RPTOR: variants seen among roughly 807,000 people sequenced by gnomAD.
RPTOR encodes regulatory-associated protein of mTOR.
A neutral mutation model predicts 169.9 loss-of-function variants in RPTOR; 21 were observed. The observed-to-expected ratio is 0.12, with a 90% CI of 0.09 to 0.18. The LOEUF (loss-of-function observed/expected upper bound fraction) is 0.18. Among genes scored for constraint, RPTOR ranks in the 10% least tolerant of loss-of-function variants. The pLI, the probability that RPTOR is intolerant of heterozygous loss-of-function variation, is 1.00. For missense variants in RPTOR, 1,133 were observed against 1,855.9 expected, an observed-to-expected ratio of 0.61 and a Z score of 7.16; for synonymous variants, 732 against 753.2, an observed-to-expected ratio of 0.97 and a Z score of 0.46.
At chr17:80,619,723 G>C (rs891266821) in intron 1 of RPTOR, among the ~76,000 whole-genome samples, 3 of 152,150 alleles carry the variant, frequency 2.0e-5, no homozygotes, top group Non-Finnish European at 4.4e-5. Context: ...TGAGTGTTGG[G>C]TGCTGCTCCA....
chr17:80,565,467 T>C (rs1309268935), intron 1 of RPTOR, among the ~76,000 whole-genome samples: 7 of 152,086 alleles, frequency 4.6e-5, no homozygotes, highest in Non-Finnish European at 2.9e-5. Flanking sequence ...AGTAAAACAA[T>C]GTTTTCTTTG....
intron 3 of RPTOR, among the ~76,000 whole-genome samples, chr17:80,644,306 G>GATTTTTTTTTTTTTTTTTTTTT (rs773738955): frequency 1.1e-5 from 1 of 88,904 alleles, no homozygotes; most frequent in Non-Finnish European, 2.1e-5. Context: ...TTAGTGTGTG[G>GATTTTTTTTTTTTTTTTTTTTT]GTTTTTTTTT....
At chr17:80,906,986 C>T (rs916128188) in intron 20 of RPTOR, among the ~76,000 whole-genome samples, 4 of 152,212 alleles carry the variant, frequency 2.6e-5, no homozygotes, top group Non-Finnish European at 5.9e-5. Flanking sequence ...GTCTTGGGCT[C>T]GCTTAGCGGA....
intron 7 of RPTOR, among the ~76,000 whole-genome samples, chr17:80,811,584 C>T (rs893468534): frequency 2.0e-5 from 3 of 151,630 alleles, no homozygotes; most frequent in Admixed American, 6.6e-5. Flanking sequence ...CATAGCCACG[C>T]CCTCTCCAAC....
rs1240004882 is a variant in RPTOR, at chr17:80,730,774, G to C, written c.654+68G>C. The C allele has an allele frequency of 5.1e-6, 6 of 1,173,408 alleles. 1 individual carries two copies. The highest frequency in any genetic ancestry group is 7.4e-6 in the Non-Finnish European group (6 of 807,022). The allele number at this position is 1,173,408 out of a possible 1,614,324, so 72.7% of individuals were successfully genotyped here. On this transcript the variant is annotated intron_variant, in intron 5 of 33. Transcript: ENST00000306801. The surrounding 1 kb of genome is among the most constrained non-coding windows in gnomAD (Gnocchi z 4.2). ...TGTTTTCCCTGGGGGTGGGGTTTGGGTGGGGAGGTTGGGAGGTGTTGGACA... is the reference window on the plus strand; with the variant it reads ...TGTTTTCCCTGGGGGTGGGGTTTGGCTGGGGAGGTTGGGAGGTGTTGGACA...
intron 4 of RPTOR, among the ~76,000 whole-genome samples, chr17:80,729,399 G>A (rs1244072461): frequency 6.6e-6 from 1 of 152,202 alleles, no homozygotes; most frequent in Non-Finnish European, 1.5e-5. Context: ...GTGTTCTGTG[G>A]AGAAGAATTC....
rs1183274572 is a variant in RPTOR at position 80,965,964 on chromosome 17, G to A, written c.*1634G>A. 2.6e-5 allele frequency: 6 copies of A among 233,320 alleles called. No homozygotes were observed. The highest frequency in any genetic ancestry group is 5.6e-5 in the Admixed American group (1 of 17,788). 14.5% of individuals were successfully genotyped at this position (233,320 alleles called of 1,614,324 possible). ...ACTCAGCTCACAGGGCGTGCCAGGCGGCAACACCAGAATCTTCCAGAAGCC... is the reference window on the plus strand; with the variant it reads ...ACTCAGCTCACAGGGCGTGCCAGGCAGCAACACCAGAATCTTCCAGAAGCC... On this transcript the variant is annotated 3_prime_UTR_variant, in exon 34 of 34. Transcript: ENST00000306801.
At chr17:80,581,498 A>G (rs11651034) in intron 1 of RPTOR, among the ~76,000 whole-genome samples, 3,529 of 54,680 alleles carry the variant, frequency 0.065, 161 homozygotes, top group Middle Eastern at 0.098. Context: ...ACCGCACATC[A>G]GGCCAGTGCA....
chr17:80,738,328 G>A (rs965912191), intron 5 of RPTOR, among the ~76,000 whole-genome samples: 6 of 152,238 alleles, frequency 3.9e-5, no homozygotes, highest in African/African-American at 1.2e-4. Context: ...GAATGTGGCC[G>A]CCAAAGCTTT....
intron 5 of RPTOR, among the ~76,000 whole-genome samples, chr17:80,748,029 T>A (rs2066593320): frequency 7.3e-6 from 1 of 137,360 alleles, no homozygotes; most frequent in Non-Finnish European, 1.5e-5. Flanking sequence ...CTGCGGTGTG[T>A]GTTTAGAGGC....
chr17:80,731,753 C>G (rs901969216), intron 5 of RPTOR, among the ~76,000 whole-genome samples: 3 of 152,032 alleles, frequency 2.0e-5, no homozygotes, highest in South Asian at 2.1e-4. Flanking sequence ...TTTCCTCAAG[C>G]CTTTTTGAAT....
intron 3 of RPTOR, among the ~76,000 whole-genome samples, chr17:80,686,952 C>T (rs1249379016): frequency 1.3e-5 from 2 of 150,188 alleles, no homozygotes; most frequent in African/African-American, 4.9e-5. Context: ...TCTATCAGTT[C>T]CAGTCAGAGC....
chr17:80,858,203 G>T (rs1259445843), intron 13 of RPTOR: 5 of 405,730 alleles, frequency 1.2e-5, no homozygotes, highest in Non-Finnish European at 4.6e-6. Context: ...CCCTGCCTGT[G>T]TCTGACCCCC....
chr17:80,546,179 C>G (rs375855422), intron 1 of RPTOR, among the ~76,000 whole-genome samples: 40 of 152,204 alleles, frequency 2.6e-4, no homozygotes, highest in Middle Eastern at 3.4e-3. Flanking sequence ...TTTAAAATAT[C>G]CAAGCTGGGT....
intron 11 of RPTOR, among the ~76,000 whole-genome samples, chr17:80,847,321 A>T: frequency 6.6e-6 from 1 of 152,206 alleles, no homozygotes; most frequent in East Asian, 1.9e-4. Context: ...GGTCACTGAG[A>T]TAGGATGGGA....
At chr17:80,819,002 G>A (rs957212279) in intron 7 of RPTOR, among the ~76,000 whole-genome samples, 2 of 152,208 alleles carry the variant, frequency 1.3e-5, no homozygotes, top group African/African-American at 2.4e-5. Flanking sequence ...AGCTTCAGTC[G>A]ATTCAGGATA....
intron 1 of RPTOR, among the ~76,000 whole-genome samples, chr17:80,588,837 C>A (rs2065082771): frequency 6.6e-6 from 1 of 152,248 alleles, no homozygotes; most frequent in Admixed American, 6.5e-5. Context: ...ATTTCTTGTC[C>A]TGTGAAACAT....
At chr17:80,871,392 T>C (rs925387991) in intron 13 of RPTOR, among the ~76,000 whole-genome samples, 5 of 152,114 alleles carry the variant, frequency 3.3e-5, no homozygotes, top group Admixed American at 3.3e-4. Context: ...CCTGATTAGA[T>C]TGGGATTTGG....
intron 9 of RPTOR, among the ~76,000 whole-genome samples, chr17:80,825,300 G>A (rs959995850): frequency 2.5e-4 from 38 of 149,108 alleles, no homozygotes; most frequent in Admixed American, 1.5e-3. Context: ...TCCAGAGGCC[G>A]CGTGGCGAGT....
Sources: allele counts gnomAD v4.1 joint callset (sites outside exome capture counted in the v4.1 genomes callset), GRCh38; gene constraint gnomAD v4.1.1; non-coding constraint Gnocchi (gnomAD v3.1); transcripts MANE v1.5; gene names NCBI Gene and HGNC (gene_info 2026-07-23, HGNC 2026-07-21).